The following LTBP1 variants were observed in gnomAD, a reference collection of about 807,000 sequenced individuals.
LTBP1 encodes the protein latent-transforming growth factor beta-binding protein 1.
LTBP1 carries 129 observed loss-of-function variants against 207.6 expected under a neutral mutation model. The ratio of observed to expected loss-of-function variants is 0.62; its 90% CI spans 0.54 to 0.72. The LOEUF is 0.72. LTBP1 is among the 30% of genes least tolerant of loss of function. The probability of loss-of-function intolerance (pLI) is 0.00; values close to 1 mark genes in which losing one functional copy is unlikely to be tolerated. For missense variants in LTBP1, 2,281 were observed against 2,217.2 expected, an observed-to-expected ratio of 1.03 and a Z score of -0.58; for synonymous variants, 963 against 833.7, an observed-to-expected ratio of 1.16 and a Z score of -2.67.
At chr2:33,256,129 G>A (rs1384440002) in intron 11 of LTBP1, among the ~76,000 whole-genome samples, 1 of 151,504 alleles carries the variant, frequency 6.6e-6, no homozygotes, top group Non-Finnish European at 1.5e-5. Flanking sequence ...CAATGGTAGT[G>A]ATTGATTCCA....
chr2:33,318,984 C>T (rs558269831), intron 24 of LTBP1, among the ~76,000 whole-genome samples: 1 of 152,138 alleles, frequency 6.6e-6, no homozygotes, highest in Admixed American at 6.5e-5. Context: ...TCTATAGTCC[C>T]AGCTACTCAG....
intron 4 of LTBP1, among the ~76,000 whole-genome samples, chr2:33,118,505 A>T (rs1485904419): frequency 6.6e-6 from 1 of 152,172 alleles, no homozygotes; most frequent in East Asian, 1.9e-4. Context: ...CAACTGTATG[A>T]TCATGTGGAT....
intron 22 of LTBP1, among the ~76,000 whole-genome samples, chr2:33,308,840 T>C (rs1397377221): frequency 6.6e-6 from 1 of 152,188 alleles, no homozygotes; most frequent in South Asian, 2.1e-4. Context: ...CTTGTATAAA[T>C]AGATCAAGTG....
intron 22 of LTBP1, among the ~76,000 whole-genome samples, chr2:33,304,757 C>G (rs1401031848): frequency 6.6e-6 from 1 of 152,204 alleles, no homozygotes; most frequent in Non-Finnish European, 1.5e-5. Flanking sequence ...GAGAAGATGA[C>G]TCATTACTTA....
intron 18 of LTBP1, among the ~76,000 whole-genome samples, chr2:33,276,547 C>G (rs2093429966): frequency 6.6e-6 from 1 of 152,220 alleles, no homozygotes; most frequent in Non-Finnish European, 1.5e-5. Flanking sequence ...TGCTCTGGTT[C>G]TTTTTGAAAC....
intron 19 of LTBP1, among the ~76,000 whole-genome samples, chr2:33,288,398 A>T (rs922734410): frequency 6.6e-6 from 1 of 152,166 alleles, no homozygotes; most frequent in Admixed American, 6.5e-5. Flanking sequence ...GAAATTTTAA[A>T]TTTTAAAAGG....
intron 31 of LTBP1, among the ~76,000 whole-genome samples, chr2:33,382,819 C>T (rs1455157414): frequency 6.6e-6 from 1 of 152,192 alleles, no homozygotes; most frequent in African/African-American, 2.4e-5. Context: ...TTTTGCATCA[C>T]AACACCACAT....
chr2:33,361,331 T>C, intron 27 of LTBP1, 98 bp from the exon 28 acceptor site: 1 of 681,182 alleles, frequency 1.5e-6, no homozygotes, highest in South Asian at 2.1e-5. Context: ...TGGAATTGCC[T>C]TAAAGTTACT....
intron 9 of LTBP1, among the ~76,000 whole-genome samples, chr2:33,239,836 G>A (rs1314682571): frequency 1.3e-5 from 2 of 151,830 alleles, no homozygotes; most frequent in Admixed American, 6.6e-5. Flanking sequence ...CCTGGGAGGC[G>A]AAGGTTGCAG....
At chr2:32,963,701 G>A (rs1481753555) in intron 2 of LTBP1, among the ~76,000 whole-genome samples, 3 of 152,182 alleles carry the variant, frequency 2.0e-5, no homozygotes, top group Non-Finnish European at 4.4e-5. Context: ...ATTTATCAAG[G>A]TGTGGTTCCA....
In LTBP1 at chr2:33,315,143, G is replaced by A; in HGVS notation, c.3605-1G>A. 6.3e-7 allele frequency: 1 copy of A among 1,593,646 alleles called. No homozygotes were observed. The highest frequency in any genetic ancestry group is 8.5e-7 in the Non-Finnish European group (1 of 1,175,146). Reference sequence around the variant, plus strand: ...TTTTAAGACTCTATTTTAAATTACAGATATTAATGAATGTGAACATCCAGG... The same window carrying A: ...TTTTAAGACTCTATTTTAAATTACAAATATTAATGAATGTGAACATCCAGG... On this transcript the variant is annotated splice_acceptor_variant, in intron 23 of 33. Coordinates refer to ENST00000404816, the MANE Select transcript of LTBP1 (RefSeq NM_206943.4). LOFTEE classifies it high-confidence loss of function.
At chr2:33,170,879 C>G (rs1042282829) in intron 5 of LTBP1, among the ~76,000 whole-genome samples, 3 of 152,168 alleles carry the variant, frequency 2.0e-5, no homozygotes, top group African/African-American at 7.2e-5. Context: ...ACAGCCACCG[C>G]TGCTGGTACC....
intron 18 of LTBP1, among the ~76,000 whole-genome samples, chr2:33,277,329 C>G (rs1290495431): frequency 6.6e-6 from 1 of 152,124 alleles, no homozygotes; most frequent in Non-Finnish European, 1.5e-5. Context: ...GGCTACAGAA[C>G]AAGCACAGGT....
At chr2:33,031,425 C>A (rs2075685513) in intron 3 of LTBP1, among the ~76,000 whole-genome samples, 1 of 152,334 alleles carries the variant, frequency 6.6e-6, no homozygotes, top group Non-Finnish European at 1.5e-5. Flanking sequence ...CAGATATTTA[C>A]TGAGTGCCAT....
At chr2:33,090,465 TTGA>T (rs1302039755) in intron 3 of LTBP1, among the ~76,000 whole-genome samples, 3 of 152,186 alleles carry the variant, frequency 2.0e-5, no homozygotes, top group Non-Finnish European at 4.4e-5. Context: ...CTTGTGAAAA[TTGA>T]TGACATTTAC....
At chr2:33,209,301 C>T (rs747164809) in intron 7 of LTBP1, among the ~76,000 whole-genome samples, 4 of 152,104 alleles carry the variant, frequency 2.6e-5, no homozygotes, top group Non-Finnish European at 5.9e-5. Flanking sequence ...GTTAGAGAGT[C>T]GCATGCTGTG....
chr2:33,006,842 G>C (rs960776799), intron 2 of LTBP1, among the ~76,000 whole-genome samples: 1 of 152,006 alleles, frequency 6.6e-6, no homozygotes, highest in Admixed American at 6.6e-5. Context: ...CACAGTAAGA[G>C]AGCTAGTAGC....
chr2:33,378,225 T>G (rs1394669190), intron 31 of LTBP1, among the ~76,000 whole-genome samples: 40 of 126,572 alleles, frequency 3.2e-4, no homozygotes, highest in African/African-American at 1.0e-3. Flanking sequence ...GTGTGTGTTT[T>G]GTTTGTTTGT....
At chr2:33,373,850 T>C (rs1280968662) in intron 31 of LTBP1, among the ~76,000 whole-genome samples, 2 of 152,224 alleles carry the variant, frequency 1.3e-5, no homozygotes, top group Non-Finnish European at 2.9e-5. Context: ...CTAAATATTA[T>C]GTATTTTAAA....
Sources: allele counts gnomAD v4.1 joint callset (sites outside exome capture counted in the v4.1 genomes callset), GRCh38; gene constraint gnomAD v4.1.1; transcripts MANE v1.5; gene names NCBI Gene and HGNC (gene_info 2026-07-23, HGNC 2026-07-21).